Variants in CEP104 observed in about 807,000 individuals in gnomAD.
CEP104 encodes centrosomal protein of 104 kDa.
A neutral mutation model predicts 113.3 loss-of-function variants in CEP104; 84 were observed. The ratio of observed to expected loss-of-function variants is 0.74; its 90% confidence interval spans 0.62 to 0.89. CEP104 has a LOEUF of 0.89. Among genes scored for constraint, CEP104 ranks in the 40% least tolerant of loss-of-function variants. The pLI is 0.00. For missense variants in CEP104, 1,053 were observed against 1,156.6 expected (o/e 0.91, Z 1.30); for synonymous variants, 378 against 421.7 (o/e 0.90, Z 1.27).
rs149067319 is a variant in CEP104 at position 3,839,051 on chromosome 1, G to A, written c.804C>T (p.Leu268=). The A allele has an allele frequency of 1.4e-5, 22 of 1,614,066 alleles. No homozygotes were observed. Among genetic ancestry groups the A allele is most frequent in the Admixed American group, 1.3e-4 (8 of 60,004 alleles). The stretch of plus-strand genomic sequence containing the variant: ...CCATCTGCTGCTTCTTCTCCTTGGC[G>A]AGATCGTAGTCTTCCTTCTCCACGG... ...RCAVEKEDYD[L]AKEKKQQMEQ... Residue 268 remains leucine (L), a synonymous_variant, in exon 8 of 22, where the codon CTC becomes CTT. Transcript: ENST00000378230.
intron 20 of CEP104, among the ~76,000 whole-genome samples, chr1:3,816,665 G>A (rs1385954017): frequency 6.6e-6 from 1 of 152,260 alleles, no homozygotes; most frequent in Non-Finnish European, 1.5e-5. Context: ...GAGCACAGCA[G>A]AGCGTGCACG....
Position 3,819,419 on chromosome 1 carries a change from C to T in CEP104, c.2572-3049G>A, listed in dbSNP as rs1000603020. ...TTGCAGAACCCTGAATACATGAAAA[C>T]CCACTATCTGTCCACGGGGAGAGGC... On this transcript the variant is annotated intron_variant, in intron 20 of 21. Transcript: ENST00000378230. This position sits in a 1 kb window ranked among gnomAD's most constrained non-coding sequence, Gnocchi z 4.6. Among the ~76,000 whole-genome samples the T allele has an allele frequency of 2.0e-5, 3 of 152,138 alleles. No homozygotes were observed. Among genetic ancestry groups the T allele is most frequent in the African/African-American group, 7.2e-5 (3 of 41,426 alleles).
chr1:3,818,605 G>A (rs1643915656), intron 20 of CEP104, among the ~76,000 whole-genome samples: 1 of 152,204 alleles, frequency 6.6e-6, no homozygotes, highest in Admixed American at 6.5e-5. Flanking sequence ...CCACTCTTCC[G>A]CTCAAACCCT....
At chr1:3,847,824 A>C (rs1318949504) in intron 3 of CEP104, 1 of 552,608 alleles carries the variant, frequency 1.8e-6, no homozygotes, top group Non-Finnish European at 3.1e-6. Flanking sequence ...TCTAATTAGT[A>C]TTCTTCTTTT....
At position 3,830,025 on chromosome 1, in the gene CEP104, C is replaced by G. The variant is rs2275826; in HGVS notation, c.1837-28G>C. ...AAAGTTGGGAGGGGCTCTTGTTACT[C>G]ATTCTTAAAATAAAACTAATTTCTT... is the stretch of plus-strand genomic sequence containing the variant. On this transcript the variant is annotated intron_variant, in intron 13 of 21. Transcript: ENST00000378230. 0.92 allele frequency: 1,382,349 copies of G among 1,508,828 alleles called. 640,094 individuals are homozygous for G. Among genetic ancestry groups the G allele is most frequent in the Non-Finnish European group, 0.95 (1,035,617 of 1,086,544 alleles). 93.5% of individuals were successfully genotyped at this position (1,508,828 alleles called of 1,614,324 possible).
At position 3,815,160 on chromosome 1, in the gene CEP104, C is replaced by A; in HGVS notation, c.*242G>T. ...GATTCTAAGGAAGGCCTGAGACAGC[C>A]CTGAAGGCTTAATGTACAGTGCGGC... On this transcript the variant is annotated 3_prime_UTR_variant, in exon 22 of 22. Coordinates refer to ENST00000378230, the MANE Select transcript of CEP104 (RefSeq NM_014704.4). The A allele has an allele frequency of 1.9e-6, 1 of 513,946 alleles. No homozygotes were observed. Among genetic ancestry groups the A allele is most frequent in the Non-Finnish European group, 3.5e-6 (1 of 287,600 alleles). The allele number at this position is 513,946 out of a possible 1,614,324, so 31.8% of individuals were successfully genotyped here.
chr1:3,834,875 C>T (rs1644280165), intron 11 of CEP104, 50 bp downstream of exon 11: 1 of 1,526,006 alleles, frequency 6.6e-7, no homozygotes, highest in South Asian at 1.2e-5. Flanking sequence ...TGGTACGGCG[C>T]ATGATCTCAT....
Position 3,823,722 on chromosome 1 carries a change from C to A in CEP104, c.2365-160G>T, listed in dbSNP as rs1644027688. ...TCTATCTTCGGCATTTGCCCACAGA[C>A]TGTCTGGAGTCACTTGTGATACTTT... On this transcript the variant is annotated intron_variant, in intron 18 of 21. Coordinates refer to ENST00000378230, the MANE Select transcript of CEP104 (RefSeq NM_014704.4). The surrounding 1 kb of genome is among the most constrained non-coding windows in gnomAD (Gnocchi z 4.1). Among the ~76,000 whole-genome samples, 1 of 152,240 alleles carries A rather than the reference C, an allele frequency of 6.6e-6. No homozygotes were observed. The highest frequency in any genetic ancestry group is 2.4e-5 in the African/African-American group (1 of 41,474).
At chr1:3,826,770 G>A (rs764904251) in intron 15 of CEP104, 26 bp from the exon 16 acceptor site, 1 of 1,611,392 alleles carries the variant, frequency 6.2e-7, no homozygotes, top group East Asian at 2.2e-5. Flanking sequence ...AGTGAGGTCA[G>A]GGGCAAAGGG....
At position 3,826,691 on chromosome 1, in the gene CEP104, C is replaced by T. The variant is rs767670472; in HGVS notation, c.2188+17G>A. The T allele has an allele frequency of 1.2e-6, 2 of 1,613,886 alleles. No homozygotes were observed. Among genetic ancestry groups the T allele is most frequent in the South Asian group, 1.1e-5 (1 of 91,076 alleles). On this transcript the variant is annotated intron_variant, in intron 16 of 21. Transcript: ENST00000378230. ...TTACACACCCCAGTTCTTTGTGCAC[C>T]CCAATTCTTTACATACCCTGATTCT...
chr1:3,848,290 T>C lies in CEP104; in HGVS notation c.287+318A>G, dbSNP rs573752700. Among the ~76,000 whole-genome samples the C allele has an allele frequency of 3.9e-5, 6 of 152,114 alleles. No homozygotes were observed. In the East Asian group the frequency reaches 1.2e-3, roughly 30 times the overall value. On this transcript the variant is annotated intron_variant, in intron 3 of 21. Transcript: ENST00000378230. ...ACTCACGCCTGTAATCCCAGCACTT[T>C]GGGAGGTCGAGGCGGGCGGATCACG...
chr1:3,844,876 G>T (rs1331560068), intron 6 of CEP104, 31 bp downstream of exon 6: 3 of 1,567,948 alleles, frequency 1.9e-6, no homozygotes, highest in Admixed American at 3.3e-5. Flanking sequence ...GAAAGTAAAA[G>T]AAGTTCATTG....
chr1:3,844,958 T>C lies in CEP104; in HGVS notation c.515A>G (p.His172Arg). The C allele has an allele frequency of 3.1e-6, 5 of 1,614,128 alleles. No homozygotes were observed. Among genetic ancestry groups the C allele is most frequent in the Non-Finnish European group, 4.2e-6 (5 of 1,180,016 alleles). Reference protein sequence around the residue: ...NTASREKLIDHYLGHNSEDPA... With the variant: ...NTASREKLIDRYLGHNSEDPA... ...GTCCTCGCTGTTGTGCCCAAGGTAG[T>C]GGTCAATCAACTTCTCTCGAGAGGC... The change falls in exon 6 of 22, where the codon CAC becomes CGC. Residue 172 changes from histidine to arginine, a missense_variant. Coordinates refer to ENST00000378230, the MANE Select transcript of CEP104 (RefSeq NM_014704.4).
intron 8 of CEP104, among the ~76,000 whole-genome samples, chr1:3,838,344 T>C (rs944911772): frequency 6.6e-6 from 1 of 151,938 alleles, no homozygotes; most frequent in Non-Finnish European, 1.5e-5. Context: ...AGAGACAGGG[T>C]CTCTCTATGT....
chr1:3,829,869 T>A lies in CEP104; in HGVS notation c.1965A>T (p.Thr655=). 1 of 1,614,200 alleles carries A rather than the reference T, an allele frequency of 6.2e-7. No homozygotes were observed. Among genetic ancestry groups the A allele is most frequent in the Non-Finnish European group, 8.5e-7 (1 of 1,180,030 alleles). ...LEYLPPDDSN[T]RRNILYKTIF... ...TTGTTTTGTAGAGAATGTTCCTGCGTGTGTTGCTGTCGTCTGGAGGAAGGT... is the reference window on the plus strand; with the variant it reads ...TTGTTTTGTAGAGAATGTTCCTGCGAGTGTTGCTGTCGTCTGGAGGAAGGT... Residue 655 remains threonine (T), a synonymous_variant, in exon 14 of 22, where the codon ACA becomes ACT. Coordinates refer to ENST00000378230, the MANE Select transcript of CEP104 (RefSeq NM_014704.4).
intron 14 of CEP104, 188 bp downstream of exon 14, chr1:3,829,603 G>A (rs1644160016): frequency 1.4e-6 from 1 of 692,210 alleles, no homozygotes; most frequent in Non-Finnish European, 2.4e-6. Context: ...GAACCTAAGG[G>A]TCTCACTGGC....
rs1272776062 is a variant in CEP104 at position 3,812,328 on chromosome 1, T to C, written c.*3074A>G. On this transcript the variant is annotated 3_prime_UTR_variant, in exon 22 of 22. Transcript: ENST00000378230. The stretch of plus-strand genomic sequence containing the variant: ...TTAGATTTAATGGAATATCTTAACA[T>C]ATGAAAATAATAGAAATAAATATTA... 6.6e-6 allele frequency: 1 copy of C among 152,194 alleles called. No individual in the cohort carries two copies. Among genetic ancestry groups the C allele is most frequent in the Non-Finnish European group, 1.5e-5 (1 of 68,040 alleles). 9.4% of individuals were successfully genotyped at this position (152,194 alleles called of 1,614,324 possible).
chr1:3,827,480 A>G (rs576968013), intron 15 of CEP104, among the ~76,000 whole-genome samples: 3 of 152,252 alleles, frequency 2.0e-5, no homozygotes, highest in East Asian at 3.9e-4. Flanking sequence ...TCGGCCTCCC[A>G]AAGTGCTGCA....
At position 3,823,670 on chromosome 1, in the gene CEP104, G is replaced by A. The variant is rs12084439; in HGVS notation, c.2365-108C>T. The A allele has an allele frequency of 7.6e-3, 9,983 of 1,321,014 alleles. 600 individuals carry two copies. The African/African-American group carries it at 0.13, about 17-fold the overall frequency. The allele number at this position is 1,321,014 out of a possible 1,614,324, so 81.8% of individuals were successfully genotyped here. A position where few individuals can be genotyped will look rare whatever the true frequency, so the allele number is the denominator to read the frequency against. ...TCCCCTGCCCAGGGAGGTCTGTGCC[G>A]CCTGCACATGAAGTAAGCCACAGGC... On this transcript the variant is annotated intron_variant, in intron 18 of 21. Transcript: ENST00000378230. The surrounding 1 kb of genome is among the most constrained non-coding windows in gnomAD (Gnocchi z 4.1).
Sources: gnomAD v4.1 joint callset for allele counts (sites outside exome capture counted in the v4.1 genomes callset) on GRCh38, gnomAD v4.1.1 for gene constraint, Gnocchi (gnomAD v3.1) non-coding constraint, MANE v1.5 for transcripts, NCBI Gene and HGNC (gene_info 2026-07-23, HGNC 2026-07-21) for gene names.